BICC1: variants seen among roughly 807,000 people sequenced by gnomAD.
The protein encoded by BICC1 is BicC family RNA binding protein 1.
BICC1 carries 43 observed loss-of-function variants against 111.0 expected under a neutral mutation model. That is an observed-to-expected ratio of 0.39 (90% CI 0.30 to 0.50). The LOEUF (loss-of-function observed/expected upper bound fraction) is 0.50, where lower values mean the gene tolerates loss of function less well. BICC1 is among the 20% of genes least tolerant of loss of function. The probability of loss-of-function intolerance (pLI) is 0.88; values close to 1 mark genes in which losing one functional copy is unlikely to be tolerated. For missense variants in BICC1, 1,091 were observed against 1,203.2 expected (o/e 0.91, Z 1.38); for synonymous variants, 467 against 434.4 (o/e 1.07, Z -0.93).
In BICC1 at chr10:58,829,191, ATTTTT is replaced by A. The variant is rs71006209; in HGVS notation, c.*327_*331del. 26 of 42,412 alleles carry A rather than the reference ATTTTT, an allele frequency of 6.1e-4. No homozygotes were observed. The highest frequency in any genetic ancestry group is 9.9e-4 in the Admixed American group (3 of 3,036). The allele number at this position is 42,412 out of a possible 1,614,324, so 2.6% of individuals were successfully genotyped here. The stretch of plus-strand genomic sequence containing the variant: ...TACCTATATAACATATGCACTGATG[ATTTTT>A]TTTTTTTTTTTTTTTTTTTTTTTTT... On this transcript the variant is annotated 3_prime_UTR_variant, in exon 21 of 21. Transcript: ENST00000373886.
At chr10:58,601,845 A>G (rs1004752889) in intron 1 of BICC1, among the ~76,000 whole-genome samples, 1 of 152,126 alleles carries the variant, frequency 6.6e-6, no homozygotes, top group African/African-American at 2.4e-5. Context: ...CAAGGGTTGT[A>G]TCTTGAATTG....
At chr10:58,594,474 A>G (rs1844745289) in intron 1 of BICC1, among the ~76,000 whole-genome samples, 1 of 152,302 alleles carries the variant, frequency 6.6e-6, no homozygotes, top group Non-Finnish European at 1.5e-5. Flanking sequence ...GCAGCCAGAG[A>G]GAAAGGTCAG....
rs369512680 is a variant in BICC1, at chr10:58,739,370, A to C, written c.307+37227A>C. 1.5e-4 allele frequency among the ~76,000 whole-genome samples: 23 copies of C among 152,244 alleles called. 1 individual carries two copies. In the East Asian group the frequency reaches 4.4e-3, roughly 29 times the overall value. ...GGTTTTTGTCTTTGGTTCTGTTTAT[A>C]TGCTGGATTACATTTATTGATTTGT... On this transcript the variant is annotated intron_variant, in intron 3 of 20. Coordinates refer to ENST00000373886, the MANE Select transcript of BICC1 (RefSeq NM_001080512.3).
At chr10:58,595,066 A>G (rs189516212) in intron 1 of BICC1, among the ~76,000 whole-genome samples, 83 of 152,332 alleles carry the variant, frequency 5.4e-4, no homozygotes, top group African/African-American at 1.9e-3. Context: ...AGGAGTTGCA[A>G]TCGTAGGCTC....
At chr10:58,532,217 AT>A (rs757258381) in intron 1 of BICC1, among the ~76,000 whole-genome samples, 13 of 151,740 alleles carry the variant, frequency 8.6e-5, no homozygotes, top group Admixed American at 2.6e-4. Context: ...AATATCACAC[AT>A]TTCTCAGTGG....
chr10:58,695,084 A>G (rs938177788), intron 2 of BICC1, among the ~76,000 whole-genome samples: 3 of 152,230 alleles, frequency 2.0e-5, no homozygotes, highest in Non-Finnish European at 4.4e-5. Flanking sequence ...TGAGGAATAA[A>G]TGGAAAATGT....
chr10:58,813,960 G>T lies in BICC1; in HGVS notation c.2507G>T (p.Ser836Ile), dbSNP rs143246979. The T allele has an allele frequency of 7.4e-6, 12 of 1,613,912 alleles. No homozygotes were observed. Among genetic ancestry groups the T allele is most frequent in the Non-Finnish European group, 9.3e-6 (11 of 1,179,940 alleles). Residue 836 changes from serine (S) to isoleucine (I), a missense_variant, in exon 18 of 21, where the codon AGC (serine) becomes ATC (isoleucine). By Grantham distance (142) the Ser-to-Ile change is moderately radical. Transcript: ENST00000373886. ...AGTGAATTTGCAGCTTCTATTGGCAGCCCTAAGCGTAAACAAAACAAATCA... is the reference window on the plus strand; with the variant it reads ...AGTGAATTTGCAGCTTCTATTGGCATCCCTAAGCGTAAACAAAACAAATCA... ...SHSEFAASIGSPKRKQNKSTE... is the reference protein window; with the variant it reads ...SHSEFAASIGIPKRKQNKSTE...
At chr10:58,590,490 G>A (rs1032832689) in intron 1 of BICC1, among the ~76,000 whole-genome samples, 3 of 152,072 alleles carry the variant, frequency 2.0e-5, no homozygotes, top group Non-Finnish European at 4.4e-5. Context: ...AGAGAATTTT[G>A]GTGCTTTCAG....
intron 17 of BICC1, among the ~76,000 whole-genome samples, chr10:58,808,155 T>C (rs1488737819): frequency 2.0e-5 from 3 of 151,882 alleles, no homozygotes; most frequent in African/African-American, 2.4e-5. Context: ...GTGAATTTCA[T>C]TTTGGGAGTT....
intron 2 of BICC1, among the ~76,000 whole-genome samples, chr10:58,640,405 AG>A (rs1330382180): frequency 1.3e-5 from 2 of 152,236 alleles, no homozygotes; most frequent in Non-Finnish European, 2.9e-5. Context: ...TCCATACTGA[AG>A]AAAGCTGCAT....
At chr10:58,744,809 G>A (rs1275135821) in intron 3 of BICC1, among the ~76,000 whole-genome samples, 1 of 152,100 alleles carries the variant, frequency 6.6e-6, no homozygotes, top group Non-Finnish European at 1.5e-5. Flanking sequence ...GGAGGTCATT[G>A]TGAAGATACT....
rs564240560 is a variant in BICC1 at position 58,808,717 on chromosome 10, A to AAT, written c.2376+1559_2376+1560insAT. On this transcript the variant is annotated intron_variant, in intron 17 of 20. Transcript: ENST00000373886. ...CAGTTCTTAGTGATATTTAAAAAAA[A>AAT]TTTTTTTTTTTTTTTGACGTGGAGT... Among the ~76,000 whole-genome samples, 958 of 145,238 alleles carry AAT rather than the reference A, an allele frequency of 6.6e-3. 10 individuals are homozygous for AAT. The highest frequency in any genetic ancestry group is 0.019 in the African/African-American group (726 of 39,234).
At position 58,796,448 on chromosome 10, in the gene BICC1, C is replaced by G. The variant is rs1325181355; in HGVS notation, c.1288C>G (p.Pro430Ala). Residue 430 changes from proline (P) to alanine (A), a missense_variant, in exon 10 of 21, where the codon CCA (proline) becomes GCA (alanine). Pro to Ala is a conservative substitution (Grantham distance 27). Around this residue, in one of 3 missense-constraint regions of BICC1, gnomAD observed 843 missense variants for 900.8 expected, o/e 0.94. Coordinates refer to ENST00000373886, the MANE Select transcript of BICC1 (RefSeq NM_001080512.3). The part of the protein sequence containing the change: ...SGVTIATSPS[P>A]ASCPAGLACP... ...GGTTACCATAGCAACCAGTCCATCC[C>G]CAGCATCCTGCCCTGCCGGCCTGGC... 6.2e-7 allele frequency: 1 copy of G among 1,614,140 alleles called. No individual in the cohort carries two copies. The highest frequency in any genetic ancestry group is 8.5e-7 in the Non-Finnish European group (1 of 1,180,008).
Position 58,803,175 on chromosome 10 carries a change from C to T in BICC1, c.2114C>T (p.Ala705Val). 6.2e-7 allele frequency: 1 copy of T among 1,611,286 alleles called. No individual in the cohort carries two copies. The highest frequency in any genetic ancestry group is 8.5e-7 in the Non-Finnish European group (1 of 1,178,618). Residue 705 changes from alanine to valine, a missense_variant, in exon 15 of 21, where the codon GCA becomes GTA. Physicochemically the swap from Ala to Val is moderately conservative, Grantham distance 64. Around this residue, in one of 3 missense-constraint regions of BICC1, gnomAD observed 843 missense variants for 900.8 expected, o/e 0.94. Coordinates refer to ENST00000373886, the MANE Select transcript of BICC1 (RefSeq NM_001080512.3). Reference protein sequence around the residue: ...APGSERAAERAAAAQQNSERA... With the variant: ...APGSERAAERVAAAQQNSERA... ...GGGAGTGAGCGCGCTGCAGAGAGGG[C>T]AGCAGCTGCCCAGCAAAACTCCGAA...
intron 3 of BICC1, among the ~76,000 whole-genome samples, chr10:58,729,386 A>G (rs932562699): frequency 6.6e-6 from 1 of 152,194 alleles, no homozygotes; most frequent in African/African-American, 2.4e-5. Flanking sequence ...TTAGCCTCCA[A>G]CTTTTCTTCT....
intron 18 of BICC1, among the ~76,000 whole-genome samples, chr10:58,816,590 C>G (rs1206104922): frequency 6.6e-6 from 1 of 152,070 alleles, no homozygotes; most frequent in Non-Finnish European, 1.5e-5. Flanking sequence ...CTAGATGGAT[C>G]TGATTGGCTT....
Position 58,799,104 on chromosome 10 carries a change from C to T in BICC1, c.1577C>T (p.Thr526Ile). ...ATGATTCCATCTACTGCCCAAGCCA[C>T]ATTAACTAATATTTTGTTGTCTGGA... ...HLMIPSTAQATLTNILLSGVP... is the reference protein window; with the variant it reads ...HLMIPSTAQAILTNILLSGVP... The change falls in exon 12 of 21, where the codon ACA becomes ATA. Residue 526 changes from threonine to isoleucine, a missense_variant. Physicochemically the swap from Thr to Ile is moderately conservative, Grantham distance 89. Around this residue, in one of 3 missense-constraint regions of BICC1, gnomAD observed 843 missense variants for 900.8 expected, o/e 0.94. Coordinates refer to ENST00000373886, the MANE Select transcript of BICC1 (RefSeq NM_001080512.3). The T allele has an allele frequency of 6.2e-7, 1 of 1,613,870 alleles. No individual in the cohort carries two copies. Among genetic ancestry groups the T allele is most frequent in the South Asian group, 1.1e-5 (1 of 91,018 alleles).
At chr10:58,579,523 C>T (rs746222219) in intron 1 of BICC1, among the ~76,000 whole-genome samples, 1 of 152,154 alleles carries the variant, frequency 6.6e-6, no homozygotes, top group Admixed American at 6.5e-5. Context: ...ACTGGGGCAT[C>T]GGTTTTTCCT....
intron 3 of BICC1, among the ~76,000 whole-genome samples, chr10:58,770,339 T>C (rs964540000): frequency 7.2e-5 from 11 of 152,160 alleles, no homozygotes; most frequent in African/African-American, 2.7e-4. Flanking sequence ...TGTCCCATTT[T>C]TTATTGCTTT....
Sources: gnomAD v4.1 joint callset for allele counts (sites outside exome capture counted in the v4.1 genomes callset) on GRCh38, gnomAD v4.1.1 for gene constraint, gnomAD v4.1.1 regional missense constraint, MANE v1.5 for transcripts, NCBI Gene and HGNC (gene_info 2026-07-23, HGNC 2026-07-21) for gene names.